CNTRL: variants seen among roughly 807,000 people sequenced by gnomAD.
CNTRL encodes centriolin.
CNTRL carries 233 observed loss-of-function variants against 303.7 expected under a neutral mutation model. The observed-to-expected ratio is 0.77, with a 90% CI of 0.69 to 0.86. CNTRL has a LOEUF of 0.86. Ranked by LOEUF, CNTRL falls within the 40% of genes least tolerant of loss-of-function variation. The probability of loss-of-function intolerance (pLI) is 0.00; values close to 1 mark genes in which losing one functional copy is unlikely to be tolerated. For missense variants in CNTRL, 2,524 were observed against 2,650.6 expected, an observed-to-expected ratio of 0.95 and a Z score of 1.05; for synonymous variants, 900 against 922.2, an observed-to-expected ratio of 0.98 and a Z score of 0.44.
intron 14 of CNTRL, among the ~76,000 whole-genome samples, chr9:121,127,539 G>T (rs72760229): frequency 0.074 from 11,252 of 151,544 alleles, 507 homozygotes; most frequent in Non-Finnish European, 0.11. Flanking sequence ...AAACTTGCAG[G>T]AAAGTTGCAA....
intron 32 of CNTRL, chr9:121,161,333 T>A (rs2052845688): frequency 2.4e-6 from 1 of 414,554 alleles, no homozygotes; most frequent in Non-Finnish European, 4.5e-6. Flanking sequence ...AGTTAATATT[T>A]AAATATCTGT....
Position 121,088,477 on chromosome 9 carries a change from C to T in CNTRL, c.151C>T (p.Gln51Ter). 6.2e-7 allele frequency: 1 copy of T among 1,613,062 alleles called. No individual in the cohort carries two copies. Among genetic ancestry groups the T allele is most frequent in the East Asian group, 2.2e-5 (1 of 44,836 alleles). ...GACTCTACCTTTTCATTCTGGAGGA[C>T]AGTGGTGTGAGCAAGTTGAGATTGC... ...SETLPFHSGG[Q>*]WCEQVEIADE... is the part of the protein sequence containing the mutation. The change falls in exon 3 of 44, where the codon CAG becomes TAG. Residue 51 changes from glutamine (Q) to a stop codon, truncating the protein, a stop_gained. Transcript: ENST00000373855. LOFTEE classifies it high-confidence loss of function.
In CNTRL at chr9:121,105,332, C is replaced by A. The variant is rs1030240589; in HGVS notation, c.809-2470C>A. On this transcript the variant is annotated intron_variant, in intron 7 of 43. Coordinates refer to ENST00000373855, the MANE Select transcript of CNTRL (RefSeq NM_007018.6). ...CATTTTCTAATGGATTGGATAATTC[C>A]CAGGCTTTTGGCTCAAGTAAGTAAG... Among the ~76,000 whole-genome samples, 4 of 152,084 alleles carry A rather than the reference C, an allele frequency of 2.6e-5. No homozygotes were observed. In the East Asian group the frequency reaches 5.8e-4, roughly 22 times the overall value.
intron 32 of CNTRL, among the ~76,000 whole-genome samples, chr9:121,161,033 A>C (rs1459313191): frequency 6.6e-6 from 1 of 152,238 alleles, no homozygotes; most frequent in East Asian, 1.9e-4. Context: ...CCATATTTTT[A>C]ACCTTTAATG....
intron 2 of CNTRL, among the ~76,000 whole-genome samples, chr9:121,082,692 C>A (rs1484489010): frequency 1.3e-5 from 2 of 152,140 alleles, no homozygotes; most frequent in Non-Finnish European, 2.9e-5. Context: ...AGAAAAGGGG[C>A]TGGGTGTGGT....
intron 5 of CNTRL, 97 bp downstream of exon 5, chr9:121,095,115 G>C (rs531439392): frequency 1.1e-6 from 1 of 897,748 alleles, no homozygotes; most frequent in African/African-American, 1.7e-5. Context: ...TGATTTGACA[G>C]AAACAGAAGA....
Position 121,141,367 on chromosome 9 carries a change from C to A in CNTRL, c.2484-14C>A. On this transcript the variant is annotated splice_polypyrimidine_tract_variant and intron_variant, in intron 17 of 43. Transcript: ENST00000373855. ...AAATGTCACATTTATACCATTTTTC[C>A]CCCTCCTTACTAGCATCCATAGTCC... The A allele has an allele frequency of 6.3e-7, 1 of 1,592,092 alleles. No homozygotes were observed. Among genetic ancestry groups the A allele is most frequent in the Non-Finnish European group, 8.6e-7 (1 of 1,162,170 alleles).
chr9:121,151,700 T>C (rs1026623803), intron 25 of CNTRL, among the ~76,000 whole-genome samples: 2 of 152,178 alleles, frequency 1.3e-5, no homozygotes, highest in African/African-American at 4.8e-5. Context: ...CTCATTAGAT[T>C]ACTTTCTGAC....
chr9:121,086,684 A>C (rs913273913), intron 2 of CNTRL, among the ~76,000 whole-genome samples: 1 of 131,380 alleles, frequency 7.6e-6, no homozygotes, highest in Non-Finnish European at 1.5e-5. Flanking sequence ...TCTGTTTCCC[A>C]GGCTGGACTG....
At position 121,150,425 on chromosome 9, in the gene CNTRL, C is replaced by CCATCCCCTT; in HGVS notation, c.3912_3920dup (p.Phe1305_Pro1307dup). On this transcript the variant is annotated inframe_insertion, in exon 25 of 44. Transcript: ENST00000373855. ...TATGGGCCTCCACCCCCCAACTTCT[C>CCATCCCCTT]CATCCCCTTCATCCCTATGGGTGTG... The CCATCCCCTT allele has an allele frequency of 4.3e-6, 7 of 1,614,210 alleles. No individual in the cohort carries two copies. Among genetic ancestry groups the CCATCCCCTT allele is most frequent in the Non-Finnish European group, 5.9e-6 (7 of 1,180,046 alleles).
rs1588126336 is a variant in CNTRL, at chr9:121,108,004, A to G, written c.1002+9A>G. 1.3e-6 allele frequency: 2 copies of G among 1,549,976 alleles called. No homozygotes were observed. Among genetic ancestry groups the G allele is most frequent in the Admixed American group, 4.3e-5 (2 of 46,744 alleles). Reference sequence around the variant, plus strand: ...ACACAAAAAATGAATTGGTAAGTTCATATTTTACATTGCTTTGGCTGTATT... The same window carrying G: ...ACACAAAAAATGAATTGGTAAGTTCGTATTTTACATTGCTTTGGCTGTATT... On this transcript the variant is annotated intron_variant, in intron 8 of 43. Coordinates refer to ENST00000373855, the MANE Select transcript of CNTRL (RefSeq NM_007018.6).
rs556688239 is a variant in CNTRL at position 121,090,086 on chromosome 9, A to C, written c.218-189A>C. Reference sequence around the variant, plus strand: ...ATTATAGTATTACAATCATTACATCATTATTTCATTATAATTATGAAATGC... The same window carrying C: ...ATTATAGTATTACAATCATTACATCCTTATTTCATTATAATTATGAAATGC... On this transcript the variant is annotated intron_variant, in intron 3 of 43. Transcript: ENST00000373855. Among the ~76,000 whole-genome samples, 3 of 137,274 alleles carry C rather than the reference A, an allele frequency of 2.2e-5. No homozygotes were observed. In the South Asian group the frequency reaches 6.4e-4, roughly 29 times the overall value. 90.1% of individuals were successfully genotyped at this position (137,274 alleles called of 152,430 possible).
chr9:121,151,654 G>C (rs2134252772), intron 25 of CNTRL, among the ~76,000 whole-genome samples: 1 of 152,248 alleles, frequency 6.6e-6, no homozygotes, highest in South Asian at 2.1e-4. Flanking sequence ...ACCTCCCAAA[G>C]TGCTGGGATT....
At position 121,094,933 on chromosome 9, in the gene CNTRL, C is replaced by G; in HGVS notation, c.394C>G (p.Leu132Val). The change falls in exon 5 of 44, where the codon CTC becomes GTC. Residue 132 changes from leucine (L) to valine (V), a missense_variant. Leu to Val is a conservative substitution (Grantham distance 32). Coordinates refer to ENST00000373855, the MANE Select transcript of CNTRL (RefSeq NM_007018.6). ...ATGTGTTAAACTTGAAGTACTGAATCTCAGCTATAATCTAATAGGGAAGAT... is the reference window on the plus strand; with the variant it reads ...ATGTGTTAAACTTGAAGTACTGAATGTCAGCTATAATCTAATAGGGAAGAT... ...EKCVKLEVLN[L>V]SYNLIGKIEK... 1 of 1,591,258 alleles carries G rather than the reference C, an allele frequency of 6.3e-7. No homozygotes were observed. The highest frequency in any genetic ancestry group is 1.1e-5 in the South Asian group (1 of 88,742).
chr9:121,075,096 C>T lies in CNTRL; in HGVS notation c.-205+29C>T, dbSNP rs1299302141. ...AGCGTCAGACCTGGCCGAGCCCGTT[C>T]CCCGGCATCCGGCCCGAGCAGTGGG... On this transcript the variant is annotated intron_variant, in intron 1 of 43. Coordinates refer to ENST00000373855, the MANE Select transcript of CNTRL (RefSeq NM_007018.6). 6 of 376,418 alleles carry T rather than the reference C, an allele frequency of 1.6e-5. 1 individual carries two copies. The East Asian group carries it at 4.6e-4, about 29-fold the overall frequency. 23.3% of individuals were successfully genotyped at this position (376,418 alleles called of 1,614,324 possible). A position where few individuals can be genotyped will look rare whatever the true frequency, so the allele number is the denominator to read the frequency against.
chr9:121,169,480 G>A (rs562694011), intron 38 of CNTRL, 131 bp from the exon 39 acceptor site: 14 of 878,682 alleles, frequency 1.6e-5, no homozygotes, highest in East Asian at 2.6e-5. Context: ...AGGCTTGTAC[G>A]ACTTTGTAAT....
At chr9:121,167,822 A>G in intron 37 of CNTRL, 145 bp downstream of exon 37, 1 of 726,004 alleles carries the variant, frequency 1.4e-6, no homozygotes, top group Non-Finnish European at 2.3e-6. Flanking sequence ...GGTGGCATTT[A>G]TACCAACTGT....
At chr9:121,169,552 G>A in intron 38 of CNTRL, 59 bp from the exon 39 acceptor site, 1 of 1,532,548 alleles carries the variant, frequency 6.5e-7, no homozygotes, top group South Asian at 1.1e-5. Flanking sequence ...GGGAAGGGGA[G>A]CTCTGCCCAC....
At position 121,096,528 on chromosome 9, in the gene CNTRL, C is replaced by T. The variant is rs752360366; in HGVS notation, c.586C>T (p.Arg196Ter). 1.7e-5 allele frequency: 26 copies of T among 1,495,310 alleles called. No individual in the cohort carries two copies. Among genetic ancestry groups the T allele is most frequent in the South Asian group, 5.9e-5 (4 of 67,320 alleles). 92.6% of individuals were successfully genotyped at this position (1,495,310 alleles called of 1,614,324 possible). A position where few individuals can be genotyped will look rare whatever the true frequency, so the allele number is the denominator to read the frequency against. ...VWLGKKLKSLRVLNLKGNKIS... is the reference protein window; with the variant it reads ...VWLGKKLKSL The stretch of plus-strand genomic sequence containing the variant: ...GTTAGGGAAGAAGTTAAAATCTTTG[C>T]GAGTCCTCAATTTGAAAGGCAACAA... Residue 196 changes from arginine (R) to a stop codon, truncating the protein, a stop_gained, in exon 6 of 44, where the codon CGA becomes TGA. Coordinates refer to ENST00000373855, the MANE Select transcript of CNTRL (RefSeq NM_007018.6). LOFTEE classifies it high-confidence loss of function.
Sources: gnomAD v4.1 joint callset for allele counts (sites outside exome capture counted in the v4.1 genomes callset) on GRCh38, gnomAD v4.1.1 for gene constraint, MANE v1.5 for transcripts, NCBI Gene and HGNC (gene_info 2026-07-23, HGNC 2026-07-21) for gene names.